The following SPHKAP variants were observed in gnomAD, a reference collection of about 807,000 sequenced individuals.
SPHKAP encodes SPHK1 interactor, AKAP domain containing.
A neutral mutation model predicts 137.5 loss-of-function variants in SPHKAP; 67 were observed. That is an observed-to-expected ratio of 0.49 (90% CI 0.40 to 0.60). SPHKAP has a LOEUF of 0.60. SPHKAP is among the 20% of genes least tolerant of loss of function. The probability of loss-of-function intolerance (pLI) is 0.00; values close to 1 mark genes in which losing one functional copy is unlikely to be tolerated. For synonymous variants in SPHKAP, 813 were observed against 785.3 expected, an observed-to-expected ratio of 1.04 and a Z score of -0.59; for missense variants, 2,097 against 2,069.3, an observed-to-expected ratio of 1.01 and a Z score of -0.26.
intron 2 of SPHKAP, among the ~76,000 whole-genome samples, chr2:228,116,186 T>G (rs769681810): frequency 2.0e-4 from 30 of 152,158 alleles, no homozygotes; most frequent in Non-Finnish European, 4.0e-4. Flanking sequence ...GAAAGGAAGT[T>G]AGGGAAAGCT....
rs1443184340 is a variant in SPHKAP at position 228,108,942 on chromosome 2, G to A, written c.139-3C>T. On this transcript the variant is annotated splice_polypyrimidine_tract_variant and splice_region_variant and intron_variant, in intron 2 of 11. Transcript: ENST00000392056. ...AGCAGGCTATTGCTGCGAAGAACCT[G>A]GAGGAACCCAGAAAAACTCAGTTCT... is the stretch of plus-strand genomic sequence containing the variant. The A allele has an allele frequency of 6.3e-7, 1 of 1,584,610 alleles. No individual in the cohort carries two copies.
chr2:228,017,410 C>A lies in SPHKAP; in HGVS notation c.3444G>T (p.Leu1148=). ...TGGCGTTCTTGCCAGCATAGTAATC[C>A]AGCAGTAACTCAAATCCTCTCCCTT... is the stretch of plus-strand genomic sequence containing the variant. ...ENEGRGFELL[L]DYYAGKNASS... Residue 1148 remains leucine, a synonymous_variant, in exon 7 of 12, where the codon CTG becomes CTT. Transcript: ENST00000392056. 1.2e-6 allele frequency: 2 copies of A among 1,614,086 alleles called. No homozygotes were observed. Among genetic ancestry groups the A allele is most frequent in the Non-Finnish European group, 1.7e-6 (2 of 1,180,010 alleles).
chr2:228,160,631 G>A (rs1243166208), intron 1 of SPHKAP, among the ~76,000 whole-genome samples: 1 of 152,080 alleles, frequency 6.6e-6, no homozygotes. Context: ...ATGACACTTG[G>A]GGATTATGAG....
At chr2:228,092,270 C>T (rs1697788632) in intron 3 of SPHKAP, among the ~76,000 whole-genome samples, 2 of 143,902 alleles carry the variant, frequency 1.4e-5, no homozygotes, top group Admixed American at 6.9e-5. Context: ...TACGTACACA[C>T]ACACGTGTAT....
intron 1 of SPHKAP, among the ~76,000 whole-genome samples, chr2:228,157,679 AAGG>A (rs1300105207): frequency 6.6e-6 from 1 of 152,074 alleles, no homozygotes; most frequent in East Asian, 1.9e-4. Context: ...TATGGGGGTA[AAGG>A]AGGTGTCATT....
At chr2:228,118,565 T>C (rs1423469414) in intron 2 of SPHKAP, among the ~76,000 whole-genome samples, 1 of 152,142 alleles carries the variant, frequency 6.6e-6, no homozygotes, top group Non-Finnish European at 1.5e-5. Flanking sequence ...TTTTAGTAAT[T>C]CTAACAGGTG....
chr2:227,985,895 T>C (rs1484636149), intron 11 of SPHKAP, among the ~76,000 whole-genome samples: 1 of 152,198 alleles, frequency 6.6e-6, no homozygotes, highest in Admixed American at 6.5e-5. Flanking sequence ...CAGAATTAGA[T>C]TGCATTAAGC....
intron 4 of SPHKAP, chr2:228,025,911 G>T (rs1695017403): frequency 2.0e-6 from 2 of 977,434 alleles, no homozygotes; most frequent in Admixed American, 6.1e-5. Flanking sequence ...GCTTGGCTCT[G>T]TGTCCCCATC....
intron 7 of SPHKAP, among the ~76,000 whole-genome samples, chr2:227,998,762 G>A (rs1693732003): frequency 6.6e-6 from 1 of 152,184 alleles, no homozygotes; most frequent in South Asian, 2.1e-4. Context: ...CCTGCAGGAT[G>A]TGCCGAGGCC....
intron 1 of SPHKAP, among the ~76,000 whole-genome samples, chr2:228,164,648 A>G (rs1018647540): frequency 1.3e-5 from 2 of 152,166 alleles, no homozygotes; most frequent in African/African-American, 2.4e-5. Flanking sequence ...GGAATACCCA[A>G]TGGTCCCCAA....
At chr2:228,020,322 G>C in intron 6 of SPHKAP, 166 bp from the exon 7 acceptor site, 1 of 440,134 alleles carries the variant, frequency 2.3e-6, no homozygotes, top group Non-Finnish European at 3.0e-6. Flanking sequence ...CAACCCAAAT[G>C]TCCATCAATG....
intron 11 of SPHKAP, 178 bp downstream of exon 11, chr2:227,990,822 G>A: frequency 1.5e-6 from 1 of 650,452 alleles, no homozygotes; most frequent in Non-Finnish European, 2.5e-6. Flanking sequence ...TCAAAGAAAC[G>A]CTAAGTATAT....
At chr2:228,014,582 C>A (rs906274728) in intron 7 of SPHKAP, among the ~76,000 whole-genome samples, 2 of 152,174 alleles carry the variant, frequency 1.3e-5, no homozygotes, top group African/African-American at 4.8e-5. Flanking sequence ...AAGTTAAGTT[C>A]TTAGTACTGA....
chr2:228,152,144 A>G (rs945832136), intron 1 of SPHKAP, among the ~76,000 whole-genome samples: 4 of 152,174 alleles, frequency 2.6e-5, no homozygotes, highest in African/African-American at 7.2e-5. Context: ...TCCACTATGC[A>G]TGGCCAATTT....
At chr2:227,989,817 A>C (rs1253612924) in intron 11 of SPHKAP, among the ~76,000 whole-genome samples, 3 of 148,456 alleles carry the variant, frequency 2.0e-5, no homozygotes, top group African/African-American at 7.5e-5. Flanking sequence ...GGGTTTCACC[A>C]TGTTGGTCAG....
At chr2:228,004,325 C>T (rs904138381) in intron 7 of SPHKAP, among the ~76,000 whole-genome samples, 2 of 152,126 alleles carry the variant, frequency 1.3e-5, no homozygotes, top group South Asian at 4.1e-4. Flanking sequence ...TCCGTTTCTT[C>T]TAGATTTTCT....
At chr2:228,046,596 G>A (rs1301645089) in intron 3 of SPHKAP, among the ~76,000 whole-genome samples, 1 of 152,070 alleles carries the variant, frequency 6.6e-6, no homozygotes. Flanking sequence ...ACAGGATAGG[G>A]AACTGAGTTT....
At chr2:228,059,585 A>G (rs570895307) in intron 3 of SPHKAP, among the ~76,000 whole-genome samples, 1 of 152,320 alleles carries the variant, frequency 6.6e-6, no homozygotes, top group East Asian at 1.9e-4. Context: ...AGAATCGTAA[A>G]GTGGACTAGG....
intron 3 of SPHKAP, among the ~76,000 whole-genome samples, chr2:228,105,966 C>G (rs1351104279): frequency 1.3e-5 from 2 of 152,176 alleles, no homozygotes; most frequent in Non-Finnish European, 2.9e-5. Flanking sequence ...CAGGGGGCTT[C>G]TGAGCCAGAC....
Sources: gnomAD v4.1 joint callset for allele counts (sites outside exome capture counted in the v4.1 genomes callset) on GRCh38, gnomAD v4.1.1 for gene constraint, MANE v1.5 for transcripts, NCBI Gene and HGNC (gene_info 2026-07-23, HGNC 2026-07-21) for gene names.